DZIP3: variants seen among roughly 807,000 people sequenced by gnomAD.
DZIP3 encodes DAZ interacting zinc finger protein 3, also known as E3 ubiquitin-protein ligase DZIP3.
DZIP3 carries 118 observed loss-of-function variants against 162.0 expected under a neutral mutation model. The ratio of observed to expected loss-of-function variants is 0.73; its 90% CI spans 0.63 to 0.85. The LOEUF is 0.85. Among genes scored for constraint, DZIP3 ranks in the 40% least tolerant of loss-of-function variants. The pLI, the probability that DZIP3 is intolerant of heterozygous loss-of-function variation, is 0.00. For synonymous variants in DZIP3, 438 were observed against 458.6 expected, an observed-to-expected ratio of 0.96 and a Z score of 0.57; for missense variants, 1,331 against 1,407.0, an observed-to-expected ratio of 0.95 and a Z score of 0.86.
chr3:108,677,347 T>C, intron 25 of DZIP3, 150 bp from the exon 26 acceptor site: 1 of 522,686 alleles, frequency 1.9e-6, no homozygotes, highest in Non-Finnish European at 3.3e-6. Flanking sequence ...TTTTTTTTTT[T>C]TTTTGGTCAG....
In DZIP3 at chr3:108,688,078, T is replaced by G; in HGVS notation, c.3252T>G (p.Ile1084Met). The G allele has an allele frequency of 6.2e-7, 1 of 1,613,596 alleles. No homozygotes were observed. Among genetic ancestry groups the G allele is most frequent in the Non-Finnish European group, 8.5e-7 (1 of 1,179,694 alleles). ...TTGTTTGCAAGATTTCCCAGTTTAT[T>G]GACCCCAAAAAGTCTCAGGTAAAAT... The part of the protein sequence containing the change: ...DEIVCKISQF[I>M]DPKKSQSQGK... Residue 1084 changes from isoleucine to methionine, a missense_variant, in exon 29 of 33, where the codon ATT becomes ATG. By Grantham distance (10) the Ile-to-Met change is conservative. Transcript: ENST00000361582.
At chr3:108,640,490 G>C (rs756597162) in intron 12 of DZIP3, among the ~76,000 whole-genome samples, 24 of 138,064 alleles carry the variant, frequency 1.7e-4, no homozygotes, top group Non-Finnish European at 3.0e-4. Context: ...CTGTCACCCA[G>C]GTTGGAGTGC....
At chr3:108,670,333 A>C (rs1486561149) in intron 22 of DZIP3, among the ~76,000 whole-genome samples, 1 of 151,650 alleles carries the variant, frequency 6.6e-6, no homozygotes, top group Non-Finnish European at 1.5e-5. Context: ...CTGCTAATTT[A>C]TTTTCTGTCT....
intron 18 of DZIP3, among the ~76,000 whole-genome samples, chr3:108,652,774 A>G (rs991018501): frequency 4.0e-5 from 6 of 151,794 alleles, no homozygotes; most frequent in African/African-American, 7.2e-5. Flanking sequence ...TAATTTTTCT[A>G]TGTTTAGGTA....
At chr3:108,645,092 G>A (rs548494652) in intron 14 of DZIP3, among the ~76,000 whole-genome samples, 2 of 152,224 alleles carry the variant, frequency 1.3e-5, no homozygotes, top group East Asian at 3.9e-4. Flanking sequence ...TAAAGGTATA[G>A]AAACATAAAA....
intron 4 of DZIP3, among the ~76,000 whole-genome samples, 179 bp from the exon 5 acceptor site, chr3:108,616,362 A>T (rs569479748): frequency 1.3e-5 from 2 of 151,942 alleles, no homozygotes; most frequent in African/African-American, 4.8e-5. Context: ...TCATCGGACT[A>T]CTTAAAAGCA....
In DZIP3 at chr3:108,662,129, G is replaced by T; in HGVS notation, c.2296-1G>T. 6.3e-7 allele frequency: 1 copy of T among 1,587,108 alleles called. No individual in the cohort carries two copies. Among genetic ancestry groups the T allele is most frequent in the African/African-American group, 1.4e-5 (1 of 72,994 alleles). On this transcript the variant is annotated splice_acceptor_variant, in intron 20 of 32. Coordinates refer to ENST00000361582, the MANE Select transcript of DZIP3 (RefSeq NM_014648.4). LOFTEE classifies it high-confidence loss of function. ...CTGAAATAATATTTTTTATTGATCA[G>T]GATTTCAAAAGACAGTTGAGAACAG...
intron 13 of DZIP3, 56 bp downstream of exon 13, chr3:108,642,570 T>G (rs1942449084): frequency 1.4e-6 from 2 of 1,394,356 alleles, no homozygotes; most frequent in African/African-American, 3.0e-5. Flanking sequence ...ATTTTTGACT[T>G]CTCTGTCAAC....
chr3:108,623,502 C>T (rs1241592355), intron 5 of DZIP3, among the ~76,000 whole-genome samples: 2 of 152,054 alleles, frequency 1.3e-5, no homozygotes, highest in African/African-American at 4.8e-5. Flanking sequence ...GTGACTGAGC[C>T]GATATTCAAG....
intron 21 of DZIP3, among the ~76,000 whole-genome samples, chr3:108,669,402 T>C (rs1194449300): frequency 6.6e-6 from 1 of 151,688 alleles, no homozygotes; most frequent in Non-Finnish European, 1.5e-5. Flanking sequence ...TTTTTCCAAG[T>C]CATTGCACTG....
chr3:108,625,807 C>A (rs773012565), intron 6 of DZIP3, 38 bp from the exon 7 acceptor site: 6 of 1,500,454 alleles, frequency 4.0e-6, no homozygotes, highest in Admixed American at 2.3e-5. Flanking sequence ...AAAAAAATGA[C>A]TTTTACAGTA....
intron 19 of DZIP3, among the ~76,000 whole-genome samples, chr3:108,660,887 C>A (rs1236903606): frequency 6.6e-6 from 1 of 152,190 alleles, no homozygotes; most frequent in Non-Finnish European, 1.5e-5. Flanking sequence ...TGAAAAAATA[C>A]TCATCATCAC....
At chr3:108,639,916 G>A (rs1391008133) in intron 12 of DZIP3, among the ~76,000 whole-genome samples, 1 of 151,690 alleles carries the variant, frequency 6.6e-6, no homozygotes, top group African/African-American at 2.4e-5. Flanking sequence ...TTTACATTAA[G>A]CATTGCTTTA....
At position 108,622,122 on chromosome 3, in the gene DZIP3, G is replaced by A. The variant is rs530446174; in HGVS notation, c.376-2322G>A. On this transcript the variant is annotated intron_variant, in intron 5 of 32. Coordinates refer to ENST00000361582, the MANE Select transcript of DZIP3 (RefSeq NM_014648.4). ...TCATTATGTGAAGTGAAATAAACCA[G>A]ATAGAGAAAGACAAACTTTGCATGT... 2.6e-5 allele frequency among the ~76,000 whole-genome samples: 4 copies of A among 152,132 alleles called. No homozygotes were observed. In the East Asian group the frequency reaches 7.7e-4, roughly 29 times the overall value.
chr3:108,607,953 C>T (rs529387514), intron 2 of DZIP3, 136 bp from the exon 3 acceptor site: 7 of 722,660 alleles, frequency 9.7e-6, no homozygotes, highest in South Asian at 8.2e-5. Flanking sequence ...GATATGGCAC[C>T]TACCACCATT....
intron 4 of DZIP3, among the ~76,000 whole-genome samples, chr3:108,612,070 T>C (rs951082003): frequency 2.0e-5 from 3 of 152,194 alleles, no homozygotes; most frequent in Admixed American, 2.0e-4. Flanking sequence ...ATATTGTAGA[T>C]TTCCATCTTG....
At chr3:108,631,467 C>T (rs1421049433) in intron 8 of DZIP3, among the ~76,000 whole-genome samples, 1 of 151,716 alleles carries the variant, frequency 6.6e-6, no homozygotes, top group Non-Finnish European at 1.5e-5. Context: ...GCCTCAACCT[C>T]CTGTGCTCAA....
intron 13 of DZIP3, among the ~76,000 whole-genome samples, chr3:108,643,230 A>T (rs1328616424): frequency 6.6e-6 from 1 of 152,216 alleles, no homozygotes; most frequent in Non-Finnish European, 1.5e-5. Flanking sequence ...ATGCCATTAT[A>T]TACTAAATTA....
At chr3:108,624,293 C>T (rs1941494062) in intron 5 of DZIP3, 151 bp from the exon 6 acceptor site, 2 of 520,118 alleles carry the variant, frequency 3.8e-6, no homozygotes, top group Non-Finnish European at 6.9e-6. Flanking sequence ...ATCTAAAATA[C>T]ATTATCGTTA....
Sources: allele counts gnomAD v4.1 joint callset (sites outside exome capture counted in the v4.1 genomes callset), GRCh38; gene constraint gnomAD v4.1.1; transcripts MANE v1.5; gene names NCBI Gene and HGNC (gene_info 2026-07-23, HGNC 2026-07-21).